OARD1: variants seen among roughly 807,000 people sequenced by gnomAD.
The protein encoded by OARD1 is ADP-ribose glycohydrolase OARD1.
OARD1 carries 19 observed loss-of-function variants against 19.7 expected under a neutral mutation model. That is an observed-to-expected ratio of 0.96 (90% CI 0.67 to 1.41). The LOEUF (loss-of-function observed/expected upper bound fraction) is 1.41. Ranked by LOEUF, OARD1 falls within the 40% of genes most tolerant of loss-of-function variation. The pLI, the probability that OARD1 is intolerant of heterozygous loss-of-function variation, is 0.00. For missense variants in OARD1, 190 were observed against 183.8 expected (o/e 1.03, Z -0.20); for synonymous variants, 70 against 61.8 (o/e 1.13, Z -0.62).
intron 1 of OARD1, chr6:41,097,375 G>A (rs1400950091): frequency 2.5e-6 from 4 of 1,614,002 alleles, no homozygotes; most frequent in Non-Finnish European, 3.4e-6. Context: ...CCAAGCCGAT[G>A]AAGAAGCAAT....
upstream of OARD1, among the ~76,000 whole-genome samples, chr6:41,074,851 T>G (rs2268188): frequency 0.39 from 59,239 of 152,056 alleles, 12,189 homozygotes; most frequent in African/African-American, 0.52. Context: ...TCTTTGGGGA[T>G]GAAGAGGAGA....
In OARD1 at chr6:41,097,278, G is replaced by T. The variant is rs1764385285; in HGVS notation, c.-42+435C>A. 4 of 1,294,292 alleles carry T rather than the reference G, an allele frequency of 3.1e-6. No individual in the cohort carries two copies. The Admixed American group carries it at 6.8e-5, about 22-fold the overall frequency. 80.2% of individuals were successfully genotyped at this position (1,294,292 alleles called of 1,614,324 possible). A position where few individuals can be genotyped will look rare whatever the true frequency, so the allele number is the denominator to read the frequency against. ...TTGGTAAAGTTATGTGTATTCTCTT[G>T]GGGGGATAAGTAGTGAGAGCCATGA... On this transcript the variant is annotated intron_variant, in intron 1 of 4. Transcript: ENST00000480585.
intron 1 of OARD1, among the ~76,000 whole-genome samples, chr6:41,093,968 C>G (rs531260368): frequency 6.6e-6 from 1 of 152,196 alleles, no homozygotes; most frequent in African/African-American, 2.4e-5. Context: ...TGCAGTGATT[C>G]ATGATCATGC....
At chr6:41,070,196 T>G in intron 3 of OARD1, 62 bp from the exon 4 acceptor site, 1 of 902,030 alleles carries the variant, frequency 1.1e-6, no homozygotes, top group South Asian at 1.4e-5. Context: ...TCTCTAAAGA[T>G]TTTAAAATGT....
At position 41,067,323 on chromosome 6, in the gene OARD1, A is replaced by G; in HGVS notation, c.*12T>C. 6.4e-7 allele frequency: 1 copy of G among 1,565,252 alleles called. No homozygotes were observed. Among genetic ancestry groups the G allele is most frequent in the Non-Finnish European group, 8.8e-7 (1 of 1,136,556 alleles). On this transcript the variant is annotated 3_prime_UTR_variant, in exon 6 of 6. Coordinates refer to ENST00000424266, the MANE Select transcript of OARD1 (RefSeq NM_001329686.2). ...ACAGGAGAACACGGAAACATCCAAA[A>G]TGTTCACTGGTTCAGAGTGTGTACA... is the stretch of plus-strand genomic sequence containing the variant.
At chr6:41,076,616 G>A (rs534740115), upstream of OARD1, among the ~76,000 whole-genome samples, 7 of 152,356 alleles carry the variant, frequency 4.6e-5, no homozygotes, top group African/African-American at 1.4e-4. Flanking sequence ...GCACTGAGAA[G>A]AGAATGCACT....
chr6:41,069,584 G>A (rs1479067810), intron 4 of OARD1: 1 of 198,206 alleles, frequency 5.0e-6, no homozygotes, highest in Non-Finnish European at 1.0e-5. Flanking sequence ...ATGCCATCCT[G>A]GACTGTTGAA....
At chr6:41,075,384 T>C (rs184739422), upstream of OARD1, 4 of 152,358 alleles carry the variant, frequency 2.6e-5, no homozygotes, top group East Asian at 3.9e-4. Flanking sequence ...TATTTAAAAA[T>C]AGGTATGTTC....
chr6:41,097,210 C>G (rs1266740966), intron 1 of OARD1: 1 of 687,310 alleles, frequency 1.5e-6, no homozygotes, highest in Non-Finnish European at 2.6e-6. Flanking sequence ...ACACTTTAAG[C>G]CATGTATGCA....
chr6:41,067,459 C>T (rs765339126), intron 5 of OARD1, 22 bp from the exon 6 acceptor site: 2 of 1,514,900 alleles, frequency 1.3e-6, no homozygotes, highest in African/African-American at 2.7e-5. Context: ...AAAATATCTC[C>T]ATTGATGGTA....
At position 41,067,426 on chromosome 6, in the gene OARD1, C is replaced by A; in HGVS notation, c.368G>T (p.Gly123Val). The change falls in exon 6 of 6, where the codon GGT (glycine) becomes GTT (valine). Residue 123 changes from glycine to valine, a missense_variant. Physicochemically the swap from Gly to Val is moderately radical, Grantham distance 109. Transcript: ENST00000424266. ...TDLSMPRIGC[G>V]LDRLQWENVS... The stretch of plus-strand genomic sequence containing the variant: ...ATTTTCCCATTGCAGACGATCAAGA[C>A]CACATCCAATCCTGAAAAAGACAAA... 1 of 1,612,286 alleles carries A rather than the reference C, an allele frequency of 6.2e-7. No individual in the cohort carries two copies.
chr6:41,084,222 A>G, intron 1 of OARD1: 2 of 1,607,088 alleles, frequency 1.2e-6, no homozygotes, highest in Non-Finnish European at 1.7e-6. Context: ...ATTGAGCAGT[A>G]TATCAGAGGA....
chr6:41,094,120 AGT>A lies in OARD1; in HGVS notation c.-42+3591_-42+3592del, dbSNP rs375471154. The stretch of plus-strand genomic sequence containing the variant: ...TTGGCCTGTTATTAAAGCAGAGGAA[AGT>A]GTATATATTGTGAAGTGTAGGTGGT... On this transcript the variant is annotated intron_variant, in intron 1 of 4. Coordinates refer to the OARD1 transcript ENST00000480585. 5.0e-3 allele frequency among the ~76,000 whole-genome samples: 763 copies of A among 152,332 alleles called. 7 individuals are homozygous for A. Among genetic ancestry groups the A allele is most frequent in the Non-Finnish European group, 8.6e-3 (585 of 68,028 alleles).
At chr6:41,073,834 C>CCA (rs1554133156), upstream of OARD1, among the ~76,000 whole-genome samples, 1 of 152,220 alleles carries the variant, frequency 6.6e-6, no homozygotes, top group Non-Finnish European at 1.5e-5. Flanking sequence ...GGCGCCGTTA[C>CCA]CACCCCTTTT....
chr6:41,096,089 G>T (rs1031050285), intron 1 of OARD1, among the ~76,000 whole-genome samples: 1 of 151,862 alleles, frequency 6.6e-6, no homozygotes, highest in Non-Finnish European at 1.5e-5. Flanking sequence ...TGGTTAAAGT[G>T]TTTTTTTTAA....
chr6:41,094,684 A>G (rs1476765192), intron 1 of OARD1, among the ~76,000 whole-genome samples: 1 of 152,120 alleles, frequency 6.6e-6, no homozygotes, highest in East Asian at 1.9e-4. Context: ...TTGGTGGCTC[A>G]TGCCTGTAAT....
rs143689257 is a variant in OARD1 at position 41,069,843 on chromosome 6, C to T, written c.243+233G>A. 4,464 of 580,316 alleles carry T rather than the reference C, an allele frequency of 7.7e-3. 139 individuals carry two copies. Among genetic ancestry groups the T allele is most frequent in the South Asian group, 0.06 (3,302 of 54,834 alleles). The allele number at this position is 580,316 out of a possible 1,614,324, so 35.9% of individuals were successfully genotyped here. The stretch of plus-strand genomic sequence containing the variant: ...GAACAGGCCTATGGTACATGATACA[C>T]GACTTTCCCACAGAGCTGGGATGCA... On this transcript the variant is annotated intron_variant, in intron 4 of 5. Transcript: ENST00000424266.
At chr6:41,094,480 G>T in intron 1 of OARD1, 1 of 1,614,012 alleles carries the variant, frequency 6.2e-7, no homozygotes, top group Non-Finnish European at 8.5e-7. Flanking sequence ...AAAGGAAAAG[G>T]ATAGTCCCCA....
intron 1 of OARD1, among the ~76,000 whole-genome samples, chr6:41,096,697 G>A (rs904413040): frequency 3.9e-5 from 6 of 152,154 alleles, no homozygotes; most frequent in Admixed American, 1.3e-4. Flanking sequence ...TGGTTCTTGC[G>A]GAGTGTTGCA....
Sources: gnomAD v4.1 joint callset for allele counts (sites outside exome capture counted in the v4.1 genomes callset) on GRCh38, gnomAD v4.1.1 for gene constraint, MANE v1.5 for transcripts, NCBI Gene and HGNC (gene_info 2026-07-23, HGNC 2026-07-21) for gene names.